The following CSMD1 variants were observed in gnomAD, a reference collection of about 807,000 sequenced individuals.
CSMD1 encodes CUB and sushi domain-containing protein 1.
In CSMD1, 213 loss-of-function variants were observed where a neutral mutation model predicts 417.5. The observed-to-expected ratio is 0.51, with a 90% CI of 0.46 to 0.57. The LOEUF (loss-of-function observed/expected upper bound fraction) is 0.57, where lower values mean the gene tolerates loss of function less well. Among genes scored for constraint, CSMD1 ranks in the 20% least tolerant of loss-of-function variants. CSMD1 has a pLI of 0.00. For synonymous variants in CSMD1, 2,862 were observed against 1,736.8 expected, an observed-to-expected ratio of 1.65 and a Z score of -16.11; for missense variants, 6,923 against 4,529.7, an observed-to-expected ratio of 1.53 and a Z score of -15.17.
intron 3 of CSMD1, among the ~76,000 whole-genome samples, chr8:4,059,925 C>A (rs1798884264): frequency 1.3e-5 from 2 of 151,916 alleles, no homozygotes; most frequent in African/African-American, 2.4e-5. Context: ...AAGAGGGAAT[C>A]CTCCCTAACT....
chr8:3,498,168 T>C (rs921597101), intron 10 of CSMD1, among the ~76,000 whole-genome samples: 4 of 152,226 alleles, frequency 2.6e-5, no homozygotes, highest in African/African-American at 7.2e-5. Flanking sequence ...AGAAATCTAA[T>C]GTTAGTCTGG....
At chr8:4,614,978 A>G (rs1013336357) in intron 2 of CSMD1, among the ~76,000 whole-genome samples, 1 of 152,208 alleles carries the variant, frequency 6.6e-6, no homozygotes, top group East Asian at 1.9e-4. Context: ...TCGTATTTGT[A>G]GTACAAAGTA....
intron 7 of CSMD1, among the ~76,000 whole-genome samples, chr8:3,692,661 G>A (rs1291388618): frequency 6.6e-6 from 1 of 152,034 alleles, no homozygotes; most frequent in Non-Finnish European, 1.5e-5. Context: ...TCGAACCCCT[G>A]ACCTCAAATG....
chr8:4,515,503 T>C (rs750099388), intron 2 of CSMD1, among the ~76,000 whole-genome samples: 8 of 152,158 alleles, frequency 5.3e-5, no homozygotes, highest in African/African-American at 9.7e-5. Context: ...CTTAAAGAAA[T>C]ACACGGTTTT....
At chr8:3,539,813 A>C (rs902945766) in intron 10 of CSMD1, among the ~76,000 whole-genome samples, 1 of 152,160 alleles carries the variant, frequency 6.6e-6, no homozygotes, top group Non-Finnish European at 1.5e-5. Context: ...AAAGGAAAGA[A>C]AACTCTAGAC....
At chr8:4,948,927 T>C (rs555594318) in intron 1 of CSMD1, among the ~76,000 whole-genome samples, 1 of 152,280 alleles carries the variant, frequency 6.6e-6, no homozygotes, top group Non-Finnish European at 1.5e-5. Flanking sequence ...TGTGGATTTT[T>C]GGTAGATATA....
At chr8:3,496,748 C>A (rs1796380610) in intron 10 of CSMD1, among the ~76,000 whole-genome samples, 1 of 152,060 alleles carries the variant, frequency 6.6e-6, no homozygotes, top group Non-Finnish European at 1.5e-5. Context: ...ATCACTTGAA[C>A]CTGGGAGGTG....
chr8:4,076,202 T>G (rs1026248283), intron 3 of CSMD1, among the ~76,000 whole-genome samples: 1 of 152,306 alleles, frequency 6.6e-6, no homozygotes, highest in East Asian at 1.9e-4. Flanking sequence ...TCACAAGATC[T>G]AATGGTTTTA....
At chr8:4,352,660 T>C (rs1281995725) in intron 3 of CSMD1, among the ~76,000 whole-genome samples, 1 of 152,188 alleles carries the variant, frequency 6.6e-6, no homozygotes, top group African/African-American at 2.4e-5. Flanking sequence ...ATTTCCCCTA[T>C]GAAGGTCATT....
At chr8:4,031,276 A>C (rs918770026) in intron 4 of CSMD1, among the ~76,000 whole-genome samples, 6 of 152,178 alleles carry the variant, frequency 3.9e-5, no homozygotes, top group Non-Finnish European at 8.8e-5. Context: ...GGCAATTTAC[A>C]AAAGAAAGAA....
At chr8:4,189,406 CTT>C (rs1435803040) in intron 3 of CSMD1, among the ~76,000 whole-genome samples, 6 of 152,108 alleles carry the variant, frequency 3.9e-5, no homozygotes, top group Admixed American at 6.5e-5. Context: ...AAAAGTTTGC[CTT>C]TGTTATTAGA....
At chr8:4,915,935 C>A (rs1053714716) in intron 1 of CSMD1, among the ~76,000 whole-genome samples, 20 of 152,294 alleles carry the variant, frequency 1.3e-4, no homozygotes, top group African/African-American at 4.8e-4. Context: ...TATAAAACTG[C>A]AAGTGGCATC....
intron 17 of CSMD1, among the ~76,000 whole-genome samples, chr8:3,393,983 T>TATAATA (rs1206960597): frequency 8.4e-5 from 1 of 11,964 alleles, no homozygotes; most frequent in Non-Finnish European, 1.9e-4. Flanking sequence ...GAACTTAACG[T>TATAATA]ATAATAATAA....
chr8:4,570,444 T>C (rs1210445529), intron 2 of CSMD1, among the ~76,000 whole-genome samples: 1 of 152,202 alleles, frequency 6.6e-6, no homozygotes, highest in Non-Finnish European at 1.5e-5. Flanking sequence ...CGCCTATTGA[T>C]TTGTGTATTT....
intron 1 of CSMD1, among the ~76,000 whole-genome samples, chr8:4,785,139 A>G (rs948794087): frequency 1.3e-5 from 2 of 152,226 alleles, no homozygotes; most frequent in African/African-American, 2.4e-5. Flanking sequence ...AACCATGTGG[A>G]AAAGATAGCA....
chr8:4,147,567 G>C (rs183177014), intron 3 of CSMD1, among the ~76,000 whole-genome samples: 3 of 152,230 alleles, frequency 2.0e-5, no homozygotes, highest in African/African-American at 7.2e-5. Flanking sequence ...ACCTGTTTCT[G>C]GATAATGATA....
chr8:4,342,448 C>T (rs1800534326), intron 3 of CSMD1, among the ~76,000 whole-genome samples: 1 of 151,936 alleles, frequency 6.6e-6, no homozygotes, highest in Admixed American at 6.6e-5. Context: ...TCTGGCTATC[C>T]CAACAGCAGA....
At position 4,593,977 on chromosome 8, in the gene CSMD1, G is replaced by A. The variant is rs1011508486; in HGVS notation, c.302+43365C>T. ...GTTCCCTCCAAACCCTGCCTGTGGA[G>A]GACCCTTCTTGTCTCTCCACACCTT... On this transcript the variant is annotated intron_variant, in intron 2 of 69. Coordinates refer to ENST00000635120, the MANE Select transcript of CSMD1 (RefSeq NM_033225.6). Among the ~76,000 whole-genome samples the A allele has an allele frequency of 5.9e-5, 9 of 152,096 alleles. No individual in the cohort carries two copies. In the South Asian group the frequency reaches 1.0e-3, roughly 18 times the overall value.
intron 5 of CSMD1, among the ~76,000 whole-genome samples, chr8:3,871,990 T>G (rs954915205): frequency 6.6e-6 from 1 of 152,196 alleles, no homozygotes; most frequent in African/African-American, 2.4e-5. Context: ...CTGCACTATT[T>G]CCTATGCAAT....
Sources: gnomAD v4.1 joint callset for allele counts (sites outside exome capture counted in the v4.1 genomes callset) on GRCh38, gnomAD v4.1.1 for gene constraint, MANE v1.5 for transcripts, NCBI Gene and HGNC (gene_info 2026-07-23, HGNC 2026-07-21) for gene names.